Variants in SPEG observed in about 807,000 individuals in gnomAD.
The protein encoded by SPEG is striated muscle preferentially expressed protein kinase.
Under a neutral mutation model 300.4 loss-of-function variants are expected in SPEG, and 114 were observed. That is an observed-to-expected ratio of 0.38 (90% confidence interval 0.33 to 0.44). The LOEUF (loss-of-function observed/expected upper bound fraction) is 0.44. Among genes scored for constraint, SPEG ranks in the 20% least tolerant of loss-of-function variants. The pLI is 1.00. For synonymous variants in SPEG, 1,964 were observed against 2,018.9 expected (o/e 0.97, Z 0.73); for missense variants, 4,201 against 4,586.2 (o/e 0.92, Z 2.43).
In SPEG at chr2:219,483,839, C is replaced by A. The variant is rs1464318980; in HGVS notation, c.6376C>A (p.Gln2126Lys). 1 of 1,587,894 alleles carries A rather than the reference C, an allele frequency of 6.3e-7. No individual in the cohort carries two copies. Among genetic ancestry groups the A allele is most frequent in the Admixed American group, 1.7e-5 (1 of 57,758 alleles). Residue 2126 changes from glutamine to lysine, a missense_variant, in exon 30 of 41, where the codon CAA becomes AAA. Gln to Lys is a moderately conservative substitution (Grantham distance 53, BLOSUM62 1). Transcript: ENST00000312358. ...GCCCCCACTCGAGAACCGGGGCCTG[C>A]AAAAGAGCAGCAGCTTCTCCCAGGG... ...HQPPLENRGL[Q>K]KSSSFSQGEA...
At chr2:219,452,741 G>A (rs540756639) in intron 6 of SPEG, among the ~76,000 whole-genome samples, 1 of 152,212 alleles carries the variant, frequency 6.6e-6, no homozygotes, top group East Asian at 1.9e-4. Flanking sequence ...AGACCGGCAC[G>A]GGGAAGGCGG....
At chr2:219,476,161 A>T (rs1253536931) in intron 18 of SPEG, among the ~76,000 whole-genome samples, 2 of 151,930 alleles carry the variant, frequency 1.3e-5, no homozygotes, top group Non-Finnish European at 2.9e-5. Flanking sequence ...TGTGATATGT[A>T]TGGAGAATGA....
chr2:219,456,930 GAAAAAGAAA>G lies in SPEG; in HGVS notation c.2441-4941_2441-4933del, dbSNP rs1276252380. ...TCTCAAAAAAAAAAAAAAAAGAAAA[GAAAAAGAAA>G]AAAAAGAAAAGAAAAAAGAAAAATT... On this transcript the variant is annotated intron_variant, in intron 6 of 40. Coordinates refer to ENST00000312358, the MANE Select transcript of SPEG (RefSeq NM_005876.5). Among the ~76,000 whole-genome samples, 4 of 49,586 alleles carry G rather than the reference GAAAAAGAAA, an allele frequency of 8.1e-5. No individual in the cohort carries two copies. The Admixed American group carries it at 1.1e-3, about 14-fold the overall frequency. The allele number at this position is 49,586 out of a possible 152,430, so 32.5% of individuals were successfully genotyped here.
At chr2:219,442,609 T>C in intron 1 of SPEG, among the ~76,000 whole-genome samples, 5 of 127,480 alleles carry the variant, frequency 3.9e-5, no homozygotes, top group Admixed American at 7.9e-5. Context: ...GCCCCCATCA[T>C]CCCTCCCCCA....
chr2:219,454,539 G>A (rs998564403), intron 6 of SPEG, among the ~76,000 whole-genome samples: 1 of 152,220 alleles, frequency 6.6e-6, no homozygotes, highest in African/African-American at 2.4e-5. Context: ...ACTTTCCCAA[G>A]CCCTTTCACG....
intron 6 of SPEG, chr2:219,461,216 C>G: frequency 3.0e-6 from 3 of 986,848 alleles, no homozygotes; most frequent in Non-Finnish European, 3.6e-6. Flanking sequence ...CCAGGCTGAG[C>G]TGCCCTTTTT....
rs777689636 is a variant in SPEG, at chr2:219,484,790, A to G, written c.7327A>G (p.Ser2443Gly). 38 of 1,468,826 alleles carry G rather than the reference A, an allele frequency of 2.6e-5. No individual in the cohort carries two copies. Among genetic ancestry groups the G allele is most frequent in the Non-Finnish European group, 2.2e-5 (25 of 1,121,146 alleles). 91.0% of individuals were successfully genotyped at this position (1,468,826 alleles called of 1,614,324 possible). Residue 2443 changes from serine (S) to glycine (G), a missense_variant, in exon 30 of 41, where the codon AGC becomes GGC. Ser to Gly is a moderately conservative substitution (Grantham distance 56). Around this residue, in one of 4 missense-constraint regions of SPEG, gnomAD observed 1,578 missense variants for 1,506.0 expected, o/e 1.05. Transcript: ENST00000312358. ...GGDGESSEGGSSARGSPVLAM... is the reference protein window; with the variant it reads ...GGDGESSEGGGSARGSPVLAM... Reference sequence around the variant, plus strand: ...GGACGGAGAGAGCTCGGAGGGCGGGAGCTCGGCGCGGGGCTCCCCGGTGCT... The same window carrying G: ...GGACGGAGAGAGCTCGGAGGGCGGGGGCTCGGCGCGGGGCTCCCCGGTGCT...
At chr2:219,465,912 C>T (rs542985865) in intron 9 of SPEG, 74 of 685,260 alleles carry the variant, frequency 1.1e-4, no homozygotes, top group Middle Eastern at 2.9e-4. Flanking sequence ...TGTGTGCATG[C>T]GTGTGTGTGT....
Position 219,451,272 on chromosome 2 carries a change from G to A in SPEG, c.2250G>A (p.Pro750=), listed in dbSNP as rs56237719. 1.8e-3 allele frequency: 2,903 copies of A among 1,607,406 alleles called. 58 individuals carry two copies. In the Admixed American group the frequency reaches 0.028, roughly 16 times the overall value. The part of the protein sequence containing the change: ...LLKCIITANP[P]PQVSWHKDGS... ...AGTGTATCATCACTGCCAACCCCCC[G>A]CCCCAAGGTGAGCTCCAGCACTGGG... is the stretch of plus-strand genomic sequence containing the variant. Residue 750 remains proline, a synonymous_variant, in exon 5 of 41, where the codon CCG becomes CCA. Coordinates refer to ENST00000312358, the MANE Select transcript of SPEG (RefSeq NM_005876.5). This position sits in a 1 kb window ranked among gnomAD's most constrained non-coding sequence, Gnocchi z 6.4.
rs1357626784 is a variant in SPEG, at chr2:219,492,724, C to T, written c.9742C>T (p.Arg3248Cys). The change falls in exon 41 of 41, where the codon CGC becomes TGC. Residue 3248 changes from arginine to cysteine, a missense_variant. Physicochemically the swap from Arg to Cys is radical, Grantham distance 180. Coordinates refer to ENST00000312358, the MANE Select transcript of SPEG (RefSeq NM_005876.5). Reference sequence around the variant, plus strand: ...GGAGTTCCTGGGCGAGCAGCGGCGGCGCCGGGCTGAGGCTGCCACCCGCCA... The same window carrying T: ...GGAGTTCCTGGGCGAGCAGCGGCGGTGCCGGGCTGAGGCTGCCACCCGCCA... ...LKEFLGEQRR[R>C]RAEAATRHKV... is the part of the protein sequence containing the mutation. 1.3e-5 allele frequency: 21 copies of T among 1,596,354 alleles called. No individual in the cohort carries two copies. Among genetic ancestry groups the T allele is most frequent in the Non-Finnish European group, 1.4e-5 (17 of 1,176,208 alleles).
rs1358009445 is a variant in SPEG, at chr2:219,473,714, CAT to C, written c.4272-13_4272-12del. 2 of 1,612,700 alleles carry C rather than the reference CAT, an allele frequency of 1.2e-6. No individual in the cohort carries two copies. Among genetic ancestry groups the C allele is most frequent in the African/African-American group, 1.3e-5 (1 of 74,938 alleles). ...GGCAAGATCTGGGTGACCTCCCTGTCATGTGTCCCCTAGCTGCCGAGGGGCCC... is the reference window on the plus strand; with the variant it reads ...GGCAAGATCTGGGTGACCTCCCTGTCGTGTCCCCTAGCTGCCGAGGGGCCC... On this transcript the variant is annotated splice_polypyrimidine_tract_variant and intron_variant, in intron 17 of 40. Transcript: ENST00000312358. The surrounding 1 kb of genome is among the most constrained non-coding windows in gnomAD (Gnocchi z 4.6).
At chr2:219,435,506 C>T in intron 1 of SPEG, 141 bp downstream of exon 1, 1 of 978,428 alleles carries the variant, frequency 1.0e-6, no homozygotes, top group South Asian at 1.9e-5. Flanking sequence ...GGCTGCCCGG[C>T]CCCAGAAGTG....
At chr2:219,447,824 CGTGGGG>C (rs552557297) in intron 3 of SPEG, 144 bp from the exon 4 acceptor site, 5 of 702,646 alleles carry the variant, frequency 7.1e-6, no homozygotes, top group East Asian at 2.8e-5. Flanking sequence ...GTGCGCTCCT[CGTGGGG>C]GTGGGGGTGG....
In SPEG at chr2:219,479,814, G is replaced by A; in HGVS notation, c.5117G>A (p.Gly1706Glu). 1 of 1,614,060 alleles carries A rather than the reference G, an allele frequency of 6.2e-7. No individual in the cohort carries two copies. The highest frequency in any genetic ancestry group is 8.5e-7 in the Non-Finnish European group (1 of 1,180,024). ...IRAYMRQVLE[G>E]IHYLHQSHVL... is the part of the protein sequence containing the mutation. Reference sequence around the variant, plus strand: ...GCCTATATGCGGCAGGTGCTAGAGGGAATACACTACCTGCACCAGAGCCAC... The same window carrying A: ...GCCTATATGCGGCAGGTGCTAGAGGAAATACACTACCTGCACCAGAGCCAC... The change falls in exon 24 of 41, where the codon GGA becomes GAA. Residue 1706 changes from glycine to glutamate, a missense_variant. By Grantham distance (98) the Gly-to-Glu change is moderately conservative (BLOSUM62 -2). This residue lies in a region of SPEG where 1,047 missense variants were observed against 1,356.8 expected (regional missense o/e 0.77). Transcript: ENST00000312358. The surrounding 1 kb of genome is among the most constrained non-coding windows in gnomAD (Gnocchi z 5.5).
Position 219,464,977 on chromosome 2 carries a change from C to T in SPEG, c.2881+369C>T. 5.4e-6 allele frequency: 1 copy of T among 186,210 alleles called. No homozygotes were observed. The highest frequency in any genetic ancestry group is 1.1e-5 in the Non-Finnish European group (1 of 89,764). The allele number at this position is 186,210 out of a possible 1,614,324, so 11.5% of individuals were successfully genotyped here. ...GACCCTCCCTCATCCCCCTCCCCCT[C>T]TCCTCTCGCCCCTTTGCCCACCCTC... On this transcript the variant is annotated intron_variant, in intron 9 of 40. Coordinates refer to ENST00000312358, the MANE Select transcript of SPEG (RefSeq NM_005876.5). This position sits in a 1 kb window ranked among gnomAD's most constrained non-coding sequence, Gnocchi z 4.5.
intron 3 of SPEG, 120 bp from the exon 4 acceptor site, chr2:219,447,854 C>G: frequency 4.5e-6 from 4 of 895,568 alleles, no homozygotes; most frequent in Non-Finnish European, 6.8e-6. Context: ...GCAGGAGGAT[C>G]TGGCCCATGT....
chr2:219,455,934 C>G (rs1287470354), intron 6 of SPEG, among the ~76,000 whole-genome samples: 8 of 152,206 alleles, frequency 5.3e-5, no homozygotes, highest in African/African-American at 1.9e-4. Flanking sequence ...ACCTCCAGTC[C>G]TTCCCTCAAC....
intron 4 of SPEG, chr2:219,450,898 C>T (rs568830850): frequency 4.2e-5 from 18 of 426,528 alleles, no homozygotes; most frequent in South Asian, 2.8e-4. Flanking sequence ...AGTTGAGGAA[C>T]GGCCACACTA....
At position 219,443,947 on chromosome 2, in the gene SPEG, G is replaced by C; in HGVS notation, c.389-706G>C. 8.2e-7 allele frequency: 1 copy of C among 1,212,474 alleles called. No individual in the cohort carries two copies. The highest frequency in any genetic ancestry group is 1.1e-6 in the Non-Finnish European group (1 of 897,250). 75.1% of individuals were successfully genotyped at this position (1,212,474 alleles called of 1,614,324 possible). On this transcript the variant is annotated intron_variant, in intron 1 of 40. Transcript: ENST00000312358. The surrounding 1 kb of genome is among the most constrained non-coding windows in gnomAD (Gnocchi z 4.6). ...GGGTGCCTCACGCCCCTTCTGTCTT[G>C]ACTGCCCTCCATGCCCTGCCCCACA...
Sources: allele counts gnomAD v4.1 joint callset (sites outside exome capture counted in the v4.1 genomes callset), GRCh38; gene constraint gnomAD v4.1.1; regional missense constraint gnomAD v4.1.1; non-coding constraint Gnocchi (gnomAD v3.1); transcripts MANE v1.5; gene names NCBI Gene and HGNC (gene_info 2026-07-23, HGNC 2026-07-21).